Variants in PALB2 observed in about 807,000 individuals in gnomAD.
The protein encoded by PALB2 is mutant partner and localizer of BRCA2.
PALB2 carries 82 observed loss-of-function variants against 107.4 expected under a neutral mutation model. The observed-to-expected ratio is 0.76, with a 90% CI of 0.64 to 0.92. The LOEUF (loss-of-function observed/expected upper bound fraction) is 0.92. PALB2 is among the 40% of genes least tolerant of loss of function. The probability of loss-of-function intolerance (pLI) is 0.00; values close to 1 mark genes in which losing one functional copy is unlikely to be tolerated. For missense variants in PALB2, 1,374 were observed against 1,379.9 expected (o/e 1.00, Z 0.07); for synonymous variants, 489 against 496.8 (o/e 0.98, Z 0.21).
intron 6 of PALB2, among the ~76,000 whole-genome samples, chr16:23,627,724 A>C (rs1257607435): frequency 6.6e-6 from 1 of 152,172 alleles, no homozygotes; most frequent in African/African-American, 2.4e-5. Context: ...CCAATTAATA[A>C]TCAATACAAC....
Position 23,624,070 on chromosome 16 carries a change from C to T in PALB2, c.2773G>A (p.Val925Met), listed in dbSNP as rs180177125. ...CACACGAGATTATACACATCAGGCA[C>T]TGGAACTATCTGTAATACTGGAACC... ...AEVPVLQIVP[V>M]PDVYNLVCVA... The change falls in exon 8 of 13, where the codon GTG becomes ATG. Residue 925 changes from valine (V) to methionine (M), a missense_variant. Coordinates refer to ENST00000261584, the MANE Select transcript of PALB2 (RefSeq NM_024675.4). 1 of 1,607,382 alleles carries T rather than the reference C, an allele frequency of 6.2e-7. No homozygotes were observed. The highest frequency in any genetic ancestry group is 1.3e-5 in the African/African-American group (1 of 74,874).
At position 23,637,866 on chromosome 16, in the gene PALB2, C is replaced by A. The variant is rs751176316; in HGVS notation, c.195G>T (p.Pro65=). ...TAGATTTACCTGAGTGTTTTAGCTG[C>A]GGTGAGAGATCCTGCTGAGACAAAC... ...QDCLSQQDLS[P]QLKHSEPKNK... The change falls in exon 3 of 13, where the codon CCG becomes CCT. Residue 65 remains proline (P), a synonymous_variant. Transcript: ENST00000261584. 6.2e-7 allele frequency: 1 copy of A among 1,612,094 alleles called. No homozygotes were observed. Among genetic ancestry groups the A allele is most frequent in the Non-Finnish European group, 8.5e-7 (1 of 1,178,220 alleles).
At position 23,621,487 on chromosome 16, in the gene PALB2, A is replaced by G. The variant is rs765733708; in HGVS notation, c.2997-9T>C. ...ATTGGTTTTCTTTGCCTCTGTAATT[A>G]AAACAGTATGAAAAGTCAGTACTTT... On this transcript the variant is annotated splice_polypyrimidine_tract_variant and intron_variant, in intron 9 of 12. Coordinates refer to ENST00000261584, the MANE Select transcript of PALB2 (RefSeq NM_024675.4). 1 of 1,564,744 alleles carries G rather than the reference A, an allele frequency of 6.4e-7. No individual in the cohort carries two copies. The highest frequency in any genetic ancestry group is 8.8e-7 in the Non-Finnish European group (1 of 1,135,288).
At chr16:23,633,008 C>T (rs939258006) in intron 4 of PALB2, among the ~76,000 whole-genome samples, 4 of 152,138 alleles carry the variant, frequency 2.6e-5, no homozygotes, top group African/African-American at 9.7e-5. Context: ...GTGGGAGAAT[C>T]GCTTGAACCT....
In PALB2 at chr16:23,614,076, A is replaced by G. The variant is rs1567209919; in HGVS notation, c.3129T>C (p.Gly1043=). The part of the protein sequence containing the change: ...NNIVIWNLKT[G]QLLKKMHIDD... ...CAATGTGCATCTTTTTCAGGAGTTG[A>G]CCAGTTTTTAAATTCCTTAGATAAC... Residue 1043 remains glycine, a synonymous_variant, in exon 11 of 13, where the codon GGT becomes GGC. Transcript: ENST00000261584. 6.2e-7 allele frequency: 1 copy of G among 1,611,720 alleles called. No homozygotes were observed. The highest frequency in any genetic ancestry group is 8.5e-7 in the Non-Finnish European group (1 of 1,178,008).
At chr16:23,604,825 G>A (rs900890962) in intron 12 of PALB2, among the ~76,000 whole-genome samples, 3 of 151,890 alleles carry the variant, frequency 2.0e-5, no homozygotes, top group Admixed American at 1.3e-4. Context: ...GGTAATCCCA[G>A]AACTTTGGGA....
intron 1 of PALB2, 156 bp downstream of exon 1, chr16:23,640,954 T>C: frequency 1.2e-6 from 1 of 805,828 alleles, no homozygotes; most frequent in East Asian, 2.7e-5. Context: ...CCACGCTATT[T>C]CCACATTTTC....
At chr16:23,629,533 C>T in intron 5 of PALB2, 107 bp downstream of exon 5, 2 of 1,118,154 alleles carry the variant, frequency 1.8e-6, no homozygotes, top group South Asian at 2.5e-5. Flanking sequence ...ACACGTCAAA[C>T]CATTCTTAAA....
intron 1 of PALB2, among the ~76,000 whole-genome samples, chr16:23,639,574 C>T (rs934495814): frequency 4.7e-5 from 7 of 148,774 alleles, no homozygotes; most frequent in African/African-American, 1.7e-4. Context: ...AATCCCAGCA[C>T]TTTGGAAGGC....
chr16:23,625,977 T>C (rs1289032028), intron 7 of PALB2, among the ~76,000 whole-genome samples: 1 of 151,630 alleles, frequency 6.6e-6, no homozygotes, highest in Non-Finnish European at 1.5e-5. Flanking sequence ...TGAGACCCTG[T>C]CTCAAACAAA....
At position 23,630,459 on chromosome 16, in the gene PALB2, A is replaced by T; in HGVS notation, c.1695T>A (p.Ser565Arg). The T allele has an allele frequency of 1.9e-6, 3 of 1,611,598 alleles. No individual in the cohort carries two copies. The highest frequency in any genetic ancestry group is 2.5e-6 in the Non-Finnish European group (3 of 1,178,454). ...KLFIQVKGKK[S>R]RHQKEDSLSW... ...AAAGGGAATCCTCTTTTTGATGACG[A>T]CTTTTCTTCCCTAAAGAAGAAAAAT... is the stretch of plus-strand genomic sequence containing the variant. Residue 565 changes from serine to arginine, a missense_variant, in exon 5 of 13, where the codon AGT (serine) becomes AGA (arginine). Ser to Arg is a moderately radical substitution (Grantham distance 110, BLOSUM62 -1). Coordinates refer to ENST00000261584, the MANE Select transcript of PALB2 (RefSeq NM_024675.4).
At position 23,641,128 on chromosome 16, in the gene PALB2, G is replaced by A. The variant is rs758500749; in HGVS notation, c.30C>T (p.Ser10=). 1.9e-6 allele frequency: 3 copies of A among 1,613,428 alleles called. No individual in the cohort carries two copies. The highest frequency in any genetic ancestry group is 1.7e-6 in the Non-Finnish European group (2 of 1,179,880). Residue 10 remains serine, a synonymous_variant, in exon 1 of 13, where the codon AGC becomes AGT. Coordinates refer to ENST00000261584, the MANE Select transcript of PALB2 (RefSeq NM_024675.4). The part of the protein sequence containing the change: MDEPPGKPL[S]CEEKEKLKEK... ...CCGGCACCTTTTCCTTCTCCTCACA[G>A]CTGAGGGGCTTCCCGGGAGGCTCGT... is the stretch of plus-strand genomic sequence containing the variant.
rs143443718 is a variant in PALB2, at chr16:23,619,076, T to C, written c.3113+2286A>G. Among the ~76,000 whole-genome samples the C allele has an allele frequency of 9.0e-3, 1,366 of 152,158 alleles. 23 individuals carry two copies. The highest frequency in any genetic ancestry group is 0.031 in the African/African-American group (1,268 of 41,504). Reference sequence around the variant, plus strand: ...TAAAAAAAAGAAAACAAAAAAAGGTTAGGGTTGGATGGTACATAAGAGCTA... The same window carrying C: ...TAAAAAAAAGAAAACAAAAAAAGGTCAGGGTTGGATGGTACATAAGAGCTA... On this transcript the variant is annotated intron_variant, in intron 10 of 12. Transcript: ENST00000261584.
intron 10 of PALB2, among the ~76,000 whole-genome samples, chr16:23,619,519 T>C (rs536485825): frequency 9.9e-4 from 151 of 151,932 alleles, no homozygotes; most frequent in Non-Finnish European, 1.9e-3. Context: ...AGACGAGGTA[T>C]CTTTAGTAGA....
chr16:23,610,776 G>A (rs772435907), intron 11 of PALB2, among the ~76,000 whole-genome samples: 51 of 151,948 alleles, frequency 3.4e-4, no homozygotes, highest in African/African-American at 1.1e-3. Flanking sequence ...GGTGGCTTAC[G>A]CCTGTAATCC....
chr16:23,611,686 G>T (rs755276651), intron 11 of PALB2, among the ~76,000 whole-genome samples: 1 of 152,076 alleles, frequency 6.6e-6, no homozygotes, highest in Non-Finnish European at 1.5e-5. Flanking sequence ...TTGAATTCCC[G>T]ACCTCAGGTG....
Position 23,629,720 on chromosome 16 carries a change from G to A in PALB2, c.2434C>T (p.Pro812Ser), listed in dbSNP as rs1060502751. The change falls in exon 5 of 13, where the codon CCC becomes TCC. Residue 812 changes from proline (P) to serine (S), a missense_variant. Physicochemically the swap from Pro to Ser is moderately conservative, Grantham distance 74 (BLOSUM62 -1). Transcript: ENST00000261584. ...TCTTTAAAAGTGAATGACTCAATGG[G>A]TGGAGGTGTTCCTGGCGGGACAGAG... is the stretch of plus-strand genomic sequence containing the variant. ...CDSVPPGTPP[P>S]IESFTFKENQ... 2 of 1,614,230 alleles carry A rather than the reference G, an allele frequency of 1.2e-6. No homozygotes were observed. The highest frequency in any genetic ancestry group is 1.7e-6 in the Non-Finnish European group (2 of 1,180,042).
In PALB2 at chr16:23,624,050, G is replaced by A. The variant is rs1039677524; in HGVS notation, c.2793C>T (p.Leu931=). Residue 931 remains leucine, a synonymous_variant, in exon 8 of 13, where the codon CTC becomes CTT. Transcript: ENST00000261584. ...QIVPVPDVYN[L]VCVALGNLEI... is the part of the protein sequence containing the mutation. Reference sequence around the variant, plus strand: ...CCAAATTTCCCAAAGCTACACACACGAGATTATACACATCAGGCACTGGAA... The same window carrying A: ...CCAAATTTCCCAAAGCTACACACACAAGATTATACACATCAGGCACTGGAA... The A allele has an allele frequency of 2.5e-6, 4 of 1,608,014 alleles. No homozygotes were observed. The highest frequency in any genetic ancestry group is 3.4e-6 in the Non-Finnish European group (4 of 1,174,812).
intron 10 of PALB2, among the ~76,000 whole-genome samples, chr16:23,617,083 G>A (rs910054006): frequency 5.3e-5 from 8 of 152,110 alleles, no homozygotes; most frequent in East Asian, 1.9e-4. Flanking sequence ...CCAAAGTGCT[G>A]GGATTACAGG....
Sources: gnomAD v4.1 joint callset for allele counts (sites outside exome capture counted in the v4.1 genomes callset) on GRCh38, gnomAD v4.1.1 for gene constraint, MANE v1.5 for transcripts, NCBI Gene and HGNC (gene_info 2026-07-23, HGNC 2026-07-21) for gene names.